Variants in HSPA4L observed in about 807,000 individuals in gnomAD.
HSPA4L encodes the protein heat shock 70 kDa protein 4L.
HSPA4L carries 48 observed loss-of-function variants against 100.3 expected under a neutral mutation model. That is an observed-to-expected ratio of 0.48 (90% CI 0.38 to 0.61). HSPA4L has a LOEUF of 0.61. HSPA4L is among the 20% of genes least tolerant of loss of function. The probability of loss-of-function intolerance (pLI) is 0.00; values close to 1 mark genes in which losing one functional copy is unlikely to be tolerated. For missense variants in HSPA4L, 886 were observed against 988.6 expected (o/e 0.90, Z 1.39); for synonymous variants, 319 against 328.2 (o/e 0.97, Z 0.30).
rs759659767 is a variant in HSPA4L at position 127,823,524 on chromosome 4, G to A, written c.1946G>A (p.Ser649Asn). 1.0e-5 allele frequency: 16 copies of A among 1,606,532 alleles called. No individual in the cohort carries two copies. The Admixed American group carries it at 1.0e-4, about 10-fold the overall frequency. ...YEKFITPEDLSKLSAVLEDTE... is the reference protein window; with the variant it reads ...YEKFITPEDLNKLSAVLEDTE... ...TCTCAAATATATTACTAGGACTTGA[G>A]TAAACTGTCTGCAGTATTGGAAGAC... is the stretch of plus-strand genomic sequence containing the variant. The change falls in exon 16 of 19, where the codon AGT (serine) becomes AAT (asparagine). Residue 649 changes from serine to asparagine, a missense_variant. Transcript: ENST00000296464.
rs992981196 is a variant in HSPA4L at position 127,782,364 on chromosome 4, G to A, written c.-187G>A. On this transcript the variant is annotated 5_prime_UTR_variant, in exon 1 of 19. Transcript: ENST00000296464. ...GCTGCGGGACGCGGTGCAGGCTGCGGCGCTGACGGCCTCTGCTCCTTCCGC... is the reference window on the plus strand; with the variant it reads ...GCTGCGGGACGCGGTGCAGGCTGCGACGCTGACGGCCTCTGCTCCTTCCGC... 1.7e-6 allele frequency: 1 copy of A among 585,468 alleles called. No individual in the cohort carries two copies. Among genetic ancestry groups the A allele is most frequent in the Non-Finnish European group, 3.1e-6 (1 of 325,974 alleles). 36.3% of individuals were successfully genotyped at this position (585,468 alleles called of 1,614,324 possible). A position where few individuals can be genotyped will look rare whatever the true frequency, so the allele number is the denominator to read the frequency against.
intron 1 of HSPA4L, among the ~76,000 whole-genome samples, chr4:127,789,545 G>A (rs6845496): frequency 0.014 from 2,099 of 152,198 alleles, 21 homozygotes; most frequent in Non-Finnish European, 0.024. Context: ...CTACTCGGGA[G>A]GCTGAGGCAG....
chr4:127,792,548 G>A (rs1732906192), intron 1 of HSPA4L, among the ~76,000 whole-genome samples: 1 of 152,148 alleles, frequency 6.6e-6, no homozygotes, highest in Non-Finnish European at 1.5e-5. Flanking sequence ...GACTAGTCCT[G>A]AGAAACTGAA....
At position 127,815,984 on chromosome 4, in the gene HSPA4L, T is replaced by C. The variant is rs555000669; in HGVS notation, c.1579-2341T>C. On this transcript the variant is annotated intron_variant, in intron 12 of 18. Transcript: ENST00000296464. ...CACTGAGACAGGAAGGCCTTCTTTT[T>C]CGTTGTTGTAACAAATAGAAGAGTG... 2.6e-5 allele frequency among the ~76,000 whole-genome samples: 4 copies of C among 152,312 alleles called. No homozygotes were observed. In the East Asian group the frequency reaches 5.8e-4, roughly 22 times the overall value.
chr4:127,810,577 G>A (rs926616674), intron 11 of HSPA4L, among the ~76,000 whole-genome samples: 1 of 152,076 alleles, frequency 6.6e-6, no homozygotes, highest in African/African-American at 2.4e-5. Flanking sequence ...GGGCAACATA[G>A]TGAGACCTAA....
At position 127,834,043 on chromosome 4, in the gene HSPA4L, A is replaced by G. The variant is rs1241718336; in HGVS notation, c.*1169A>G. The G allele has an allele frequency of 6.6e-6, 1 of 152,170 alleles. No individual in the cohort carries two copies. The highest frequency in any genetic ancestry group is 2.4e-5 in the African/African-American group (1 of 41,438). 9.4% of individuals were successfully genotyped at this position (152,170 alleles called of 1,614,324 possible). A position where few individuals can be genotyped will look rare whatever the true frequency, so the allele number is the denominator to read the frequency against. ...CTCCAGTTTTGGTGCTTCTTATACAAATTAAATGCGAAAAGGGACTGTAAA... is the reference window on the plus strand; with the variant it reads ...CTCCAGTTTTGGTGCTTCTTATACAGATTAAATGCGAAAAGGGACTGTAAA... On this transcript the variant is annotated 3_prime_UTR_variant, in exon 19 of 19. Transcript: ENST00000296464.
At chr4:127,820,265 T>C (rs1733773109) in intron 13 of HSPA4L, among the ~76,000 whole-genome samples, 163 bp from the exon 14 acceptor site, 1 of 152,142 alleles carries the variant, frequency 6.6e-6, no homozygotes, top group Admixed American at 6.5e-5. Context: ...ATATAGAAAC[T>C]AGGATTTAAC....
chr4:127,821,819 T>C (rs1578718620), intron 14 of HSPA4L, among the ~76,000 whole-genome samples: 1 of 152,178 alleles, frequency 6.6e-6, no homozygotes, highest in East Asian at 1.9e-4. Flanking sequence ...GATGGAATTA[T>C]GCTCTCTGTT....
At position 127,830,653 on chromosome 4, in the gene HSPA4L, C is replaced by A; in HGVS notation, c.2182C>A (p.His728Asn). 2 of 1,584,680 alleles carry A rather than the reference C, an allele frequency of 1.3e-6. No individual in the cohort carries two copies. The highest frequency in any genetic ancestry group is 2.3e-5 in the South Asian group (2 of 85,292). Residue 728 changes from histidine to asparagine, a missense_variant, in exon 18 of 19, where the codon CAT becomes AAT. Coordinates refer to ENST00000296464, the MANE Select transcript of HSPA4L (RefSeq NM_014278.4). ...AYRNKDERYD[H>N]LDPTEMEKVE... is the part of the protein sequence containing the mutation. Reference sequence around the variant, plus strand: ...TTTTAAATAGGATGAAAGATATGATCATCTGGATCCTACTGAAATGGAAAA... The same window carrying A: ...TTTTAAATAGGATGAAAGATATGATAATCTGGATCCTACTGAAATGGAAAA...
chr4:127,820,666 T>G (rs1733788016), intron 14 of HSPA4L, 101 bp downstream of exon 14: 3 of 1,062,222 alleles, frequency 2.8e-6, no homozygotes, highest in Middle Eastern at 2.3e-4. Context: ...AGTTTATAAC[T>G]CCTAAGGAAT....
rs116458971 is a variant in HSPA4L at position 127,791,409 on chromosome 4, C to T, written c.108-2668C>T. Among the ~76,000 whole-genome samples, 476 of 152,306 alleles carry T rather than the reference C, an allele frequency of 3.1e-3. 4 individuals are homozygous for T. Among genetic ancestry groups the T allele is most frequent in the African/African-American group, 0.011 (460 of 41,570 alleles). Reference sequence around the variant, plus strand: ...ATAATTTTTGTGATATCTGCCACCACAGACAAAAGAGTCCCTGCATTCAAA... The same window carrying T: ...ATAATTTTTGTGATATCTGCCACCATAGACAAAAGAGTCCCTGCATTCAAA... On this transcript the variant is annotated intron_variant, in intron 1 of 18. Coordinates refer to ENST00000296464, the MANE Select transcript of HSPA4L (RefSeq NM_014278.4).
chr4:127,792,301 C>A (rs1732899459), intron 1 of HSPA4L, among the ~76,000 whole-genome samples: 1 of 152,140 alleles, frequency 6.6e-6, no homozygotes, highest in Non-Finnish European at 1.5e-5. Flanking sequence ...AAGTTGTATT[C>A]TTTTTGTTTT....
In HSPA4L at chr4:127,803,859, T is replaced by C. The variant is rs1392583024; in HGVS notation, c.894T>C (p.Ser298=). 1.2e-6 allele frequency: 2 copies of C among 1,613,532 alleles called. No individual in the cohort carries two copies. Among genetic ancestry groups the C allele is most frequent in the Non-Finnish European group, 8.5e-7 (1 of 1,179,682 alleles). ...GTTTCATGAATGACCTTGATGTTTC[T>C]AGTAAAATGAACAGGTACCACGTAT... ...IECFMNDLDV[S]SKMNRAQFEQ... Residue 298 remains serine, a synonymous_variant, in exon 7 of 19, where the codon TCT becomes TCC. Coordinates refer to ENST00000296464, the MANE Select transcript of HSPA4L (RefSeq NM_014278.4).
chr4:127,819,907 T>A (rs1296154477), intron 13 of HSPA4L, among the ~76,000 whole-genome samples: 1 of 152,208 alleles, frequency 6.6e-6, no homozygotes, highest in East Asian at 1.9e-4. Context: ...ACTTTTTTAC[T>A]CTTATGATTG....
intron 16 of HSPA4L, 45 bp downstream of exon 16, chr4:127,823,669 T>C (rs749204062): frequency 4.0e-6 from 5 of 1,255,676 alleles, no homozygotes; most frequent in Admixed American, 1.9e-5. Flanking sequence ...AGTAACTTTT[T>C]CTAAAAATTA....
In HSPA4L at chr4:127,807,960, A is replaced by G. The variant is rs1453070865; in HGVS notation, c.1245-36A>G. The G allele has an allele frequency of 1.0e-5, 16 of 1,583,642 alleles. 1 individual carries two copies. Among genetic ancestry groups the G allele is most frequent in the East Asian group, 2.3e-5 (1 of 43,964 alleles). On this transcript the variant is annotated intron_variant, in intron 10 of 18. Transcript: ENST00000296464. The stretch of plus-strand genomic sequence containing the variant: ...TAAATAGGTTCATAGGCAACTTTCT[A>G]TTTGTTTCTAAGTGAGTTCTTTCCC...
At chr4:127,784,006 C>A (rs887540713) in intron 1 of HSPA4L, among the ~76,000 whole-genome samples, 3 of 152,200 alleles carry the variant, frequency 2.0e-5, no homozygotes, top group African/African-American at 4.8e-5. Flanking sequence ...TTGAACTCTT[C>A]TACTTTTTAC....
chr4:127,791,312 G>C (rs1732868339), intron 1 of HSPA4L, among the ~76,000 whole-genome samples: 1 of 152,138 alleles, frequency 6.6e-6, no homozygotes, highest in African/African-American at 2.4e-5. Context: ...GGAAGAAGAA[G>C]AATTGTCTTG....
At chr4:127,819,577 A>C (rs1733756719) in intron 13 of HSPA4L, among the ~76,000 whole-genome samples, 1 of 152,124 alleles carries the variant, frequency 6.6e-6, no homozygotes, top group African/African-American at 2.4e-5. Flanking sequence ...CCATCATCAC[A>C]ATTTTAGAAT....
Sources: allele counts gnomAD v4.1 joint callset (sites outside exome capture counted in the v4.1 genomes callset), GRCh38; gene constraint gnomAD v4.1.1; transcripts MANE v1.5; gene names NCBI Gene and HGNC (gene_info 2026-07-23, HGNC 2026-07-21).